The following AGBL4 variants were observed in gnomAD, a reference collection of about 807,000 sequenced individuals.
AGBL4 encodes the protein cytosolic carboxypeptidase 6.
AGBL4 carries 58 observed loss-of-function variants against 66.4 expected under a neutral mutation model. The ratio of observed to expected loss-of-function variants is 0.87; its 90% CI spans 0.71 to 1.09. The LOEUF (loss-of-function observed/expected upper bound fraction) is 1.09, where lower values mean the gene tolerates loss of function less well. Ranked by LOEUF, AGBL4 falls within the 50% of genes least tolerant of loss-of-function variation. The probability of loss-of-function intolerance (pLI) is 0.00; values close to 1 mark genes in which losing one functional copy is unlikely to be tolerated. For missense variants in AGBL4, 579 were observed against 631.0 expected (o/e 0.92, Z 0.88); for synonymous variants, 234 against 222.9 (o/e 1.05, Z -0.44).
intron 3 of AGBL4, among the ~76,000 whole-genome samples, chr1:49,373,906 AG>A (rs1441515147): frequency 6.6e-6 from 1 of 152,112 alleles, no homozygotes; most frequent in East Asian, 1.9e-4. Context: ...ATTGGGTCAA[AG>A]CTTCTCCAAA....
chr1:49,119,013 A>G (rs569509303), intron 4 of AGBL4, among the ~76,000 whole-genome samples: 1 of 152,122 alleles, frequency 6.6e-6, no homozygotes, highest in South Asian at 2.1e-4. Flanking sequence ...CTATGATAGG[A>G]GTTTGTATTT....
intron 6 of AGBL4, among the ~76,000 whole-genome samples, chr1:48,783,201 A>G (rs1228597518): frequency 1.3e-5 from 2 of 152,178 alleles, no homozygotes; most frequent in Non-Finnish European, 2.9e-5. Flanking sequence ...ACGTTGATAC[A>G]TGGCCAGGAG....
At chr1:49,255,063 G>A (rs555961211) in intron 3 of AGBL4, among the ~76,000 whole-genome samples, 2 of 152,156 alleles carry the variant, frequency 1.3e-5, no homozygotes, top group East Asian at 3.9e-4. Context: ...AAAAACCCTG[G>A]AAGACAACCT....
At chr1:49,331,988 G>C (rs1461675674) in intron 3 of AGBL4, among the ~76,000 whole-genome samples, 1 of 152,228 alleles carries the variant, frequency 6.6e-6, no homozygotes, top group African/African-American at 2.4e-5. Flanking sequence ...ATTCCAGCCT[G>C]AGGGCTTTGG....
At chr1:49,514,204 C>T (rs1418721062) in intron 3 of AGBL4, among the ~76,000 whole-genome samples, 1 of 151,800 alleles carries the variant, frequency 6.6e-6, no homozygotes, top group Non-Finnish European at 1.5e-5. Context: ...AATTGAATAC[C>T]CTTTATTTCC....
At chr1:49,709,169 C>G (rs1647437922) in intron 2 of AGBL4, among the ~76,000 whole-genome samples, 1 of 152,238 alleles carries the variant, frequency 6.6e-6, no homozygotes, top group Admixed American at 6.5e-5. Context: ...CTGCCCCTTC[C>G]TCCAGGACCT....
intron 6 of AGBL4, among the ~76,000 whole-genome samples, chr1:48,756,893 G>T (rs1253949520): frequency 2.6e-5 from 4 of 152,224 alleles, no homozygotes; most frequent in Non-Finnish European, 5.9e-5. Context: ...TGGTGACTCA[G>T]ATCAGGGAAG....
intron 3 of AGBL4, among the ~76,000 whole-genome samples, chr1:49,618,957 T>C (rs1240645147): frequency 2.0e-5 from 3 of 152,156 alleles, no homozygotes; most frequent in African/African-American, 4.8e-5. Flanking sequence ...TAGGTATTGA[T>C]GGAACATATC....
At chr1:49,334,817 G>A (rs1243289573) in intron 3 of AGBL4, among the ~76,000 whole-genome samples, 1 of 152,150 alleles carries the variant, frequency 6.6e-6, no homozygotes, top group Non-Finnish European at 1.5e-5. Context: ...GGGACAAAGA[G>A]GGGTCCAGGG....
At chr1:48,837,866 G>T (rs1646721166) in intron 6 of AGBL4, among the ~76,000 whole-genome samples, 1 of 151,156 alleles carries the variant, frequency 6.6e-6, no homozygotes, top group Non-Finnish European at 1.5e-5. Context: ...AACATAGGAA[G>T]GATTTTGGAT....
chr1:48,911,293 T>C (rs1164334455), intron 5 of AGBL4, among the ~76,000 whole-genome samples: 1 of 152,184 alleles, frequency 6.6e-6, no homozygotes, highest in Non-Finnish European at 1.5e-5. Flanking sequence ...AGAGACTTCA[T>C]CTCTCTGTCT....
intron 5 of AGBL4, among the ~76,000 whole-genome samples, chr1:48,903,920 G>C (rs1557444300): frequency 6.6e-6 from 1 of 152,160 alleles, no homozygotes; most frequent in Non-Finnish European, 1.5e-5. Flanking sequence ...GTGACAGGAA[G>C]GTGAAGAAGA....
intron 8 of AGBL4, among the ~76,000 whole-genome samples, chr1:48,640,471 G>A (rs1301693896): frequency 1.3e-5 from 2 of 152,262 alleles, no homozygotes; most frequent in African/African-American, 4.8e-5. Context: ...GCAAACATGG[G>A]TTAGATAGTT....
At chr1:48,674,745 C>T (rs1461152475) in intron 6 of AGBL4, among the ~76,000 whole-genome samples, 1 of 152,076 alleles carries the variant, frequency 6.6e-6, no homozygotes, top group East Asian at 1.9e-4. Context: ...AATAACGGTG[C>T]TTGTCACATG....
chr1:48,909,365 C>A (rs1652887320), intron 5 of AGBL4, among the ~76,000 whole-genome samples: 1 of 152,194 alleles, frequency 6.6e-6, no homozygotes, highest in South Asian at 2.1e-4. Context: ...AAGGCAAACT[C>A]TCCTCCCATC....
intron 4 of AGBL4, among the ~76,000 whole-genome samples, chr1:49,193,588 C>T (rs1443543893): frequency 6.6e-6 from 1 of 150,622 alleles, no homozygotes; most frequent in Non-Finnish European, 1.5e-5. Flanking sequence ...AGTGCAGTGG[C>T]GTTATCTCTG....
chr1:50,023,817 C>T lies in AGBL4; in HGVS notation c.-21G>A, dbSNP rs1392951348. 6.5e-7 allele frequency: 1 copy of T among 1,548,090 alleles called. No homozygotes were observed. Among genetic ancestry groups the T allele is most frequent in the African/African-American group, 1.4e-5 (1 of 72,948 alleles). ...GCCATTTTTGTTGTCCCTCAGTCTC[C>T]GAGCTCACGCGAAGACCGCGGGGCA... On this transcript the variant is annotated 5_prime_UTR_variant, in exon 1 of 14. Transcript: ENST00000371839.
At chr1:49,932,261 T>C (rs886785403) in intron 1 of AGBL4, among the ~76,000 whole-genome samples, 3 of 152,134 alleles carry the variant, frequency 2.0e-5, no homozygotes, top group African/African-American at 4.8e-5. Context: ...GAAAATATAA[T>C]AGTCATTTTA....
intron 3 of AGBL4, among the ~76,000 whole-genome samples, chr1:49,459,432 T>C (rs1412864296): frequency 1.3e-5 from 2 of 151,714 alleles, no homozygotes; most frequent in African/African-American, 4.8e-5. Context: ...TTTTTATTTC[T>C]GTTGTATCAG....
Sources: allele counts gnomAD v4.1 joint callset (sites outside exome capture counted in the v4.1 genomes callset), GRCh38; gene constraint gnomAD v4.1.1; transcripts MANE v1.5; gene names NCBI Gene and HGNC (gene_info 2026-07-23, HGNC 2026-07-21).